The following INPP4B variants were observed in gnomAD, a reference collection of about 807,000 sequenced individuals.
INPP4B encodes the protein inositol polyphosphate-4-phosphatase type II B.
A neutral mutation model predicts 122.5 loss-of-function variants in INPP4B; 55 were observed. That is an observed-to-expected ratio of 0.45 (90% CI 0.36 to 0.56). The LOEUF is 0.56. Ranked by LOEUF, INPP4B falls within the 20% of genes least tolerant of loss-of-function variation. INPP4B has a pLI of 0.00. For synonymous variants in INPP4B, 403 were observed against 388.7 expected (o/e 1.04, Z -0.43); for missense variants, 1,000 against 1,097.7 (o/e 0.91, Z 1.26).
rs539255889 is a variant in INPP4B, at chr4:142,179,625, G to T, written c.1182-5816C>A. Among the ~76,000 whole-genome samples, 20 of 150,022 alleles carry T rather than the reference G, an allele frequency of 1.3e-4. No individual in the cohort carries two copies. The South Asian group carries it at 4.2e-3, about 32-fold the overall frequency. ...CTAAGAAAATGTGTTTACTGGTTCA[G>T]AACACAGTGGCTTCTACTATTCCAC... On this transcript the variant is annotated intron_variant, in intron 15 of 25. Transcript: ENST00000262992.
chr4:142,780,810 AAAG>A (rs1774692409), intron 1 of INPP4B, among the ~76,000 whole-genome samples: 1 of 152,180 alleles, frequency 6.6e-6, no homozygotes, highest in African/African-American at 2.4e-5. Context: ...AACAGAAAAA[AAAG>A]AGAATTTCCA....
chr4:142,311,429 T>A (rs1765473389), intron 8 of INPP4B, among the ~76,000 whole-genome samples: 1 of 152,072 alleles, frequency 6.6e-6, no homozygotes, highest in Non-Finnish European at 1.5e-5. Context: ...ATTTCTAGAA[T>A]CCCCCACCCA....
At chr4:142,593,374 C>A (rs772013600) in intron 2 of INPP4B, among the ~76,000 whole-genome samples, 2 of 152,090 alleles carry the variant, frequency 1.3e-5, no homozygotes, top group African/African-American at 2.4e-5. Flanking sequence ...GTTCTTTAAC[C>A]TTCTCAGAAT....
Position 142,029,533 on chromosome 4 carries a change from T to C in INPP4B, c.2643-619A>G, listed in dbSNP as rs557497706. ...ACAAACAAGACCTTGTTAAAAAGAA[T>C]AGAAAAGTCCTCTGAAAGCCAAATC... On this transcript the variant is annotated intron_variant, in intron 25 of 25. Coordinates refer to ENST00000262992, the MANE Select transcript of INPP4B (RefSeq NM_001101669.3). 6.1e-6 allele frequency: 6 copies of C among 985,508 alleles called. No individual in the cohort carries two copies. In the South Asian group the frequency reaches 1.9e-4, roughly 31 times the overall value. 61.0% of individuals were successfully genotyped at this position (985,508 alleles called of 1,614,324 possible).
At chr4:142,128,109 C>A (rs1289593940) in intron 18 of INPP4B, among the ~76,000 whole-genome samples, 3 of 152,042 alleles carry the variant, frequency 2.0e-5, no homozygotes, top group African/African-American at 7.2e-5. Flanking sequence ...ACTTGCCCCT[C>A]ACCTTTATGT....
intron 2 of INPP4B, among the ~76,000 whole-genome samples, chr4:142,706,814 T>C (rs1762530765): frequency 6.6e-6 from 1 of 152,262 alleles, no homozygotes; most frequent in South Asian, 2.1e-4. Context: ...AGGCCTTGTC[T>C]AAAGACGCTA....
At chr4:142,270,900 A>G in intron 9 of INPP4B, 126 bp from the exon 10 acceptor site, 1 of 650,374 alleles carries the variant, frequency 1.5e-6, no homozygotes, top group African/African-American at 1.8e-5. Flanking sequence ...CATCTGCATA[A>G]AACACAGCAA....
At chr4:142,816,793 ATT>A (rs1195046225) in intron 1 of INPP4B, among the ~76,000 whole-genome samples, 2 of 136,236 alleles carry the variant, frequency 1.5e-5, no homozygotes, top group Non-Finnish European at 3.2e-5. Context: ...TAAAACTGTC[ATT>A]TAACAACTAT....
intron 25 of INPP4B, among the ~76,000 whole-genome samples, chr4:142,042,629 C>T (rs1361073161): frequency 1.4e-4 from 22 of 151,894 alleles, no homozygotes; most frequent in Admixed American, 1.4e-3. Context: ...GTGATGCGAT[C>T]TCAGCTCACT....
chr4:142,709,530 A>C (rs1448724571), intron 2 of INPP4B, among the ~76,000 whole-genome samples: 1 of 152,066 alleles, frequency 6.6e-6, no homozygotes, highest in East Asian at 1.9e-4. Flanking sequence ...CATAATAGTG[A>C]GTTCTCATGA....
chr4:142,538,083 A>G (rs1828504894), intron 2 of INPP4B, among the ~76,000 whole-genome samples: 1 of 152,128 alleles, frequency 6.6e-6, no homozygotes, highest in Non-Finnish European at 1.5e-5. Context: ...TTGGAAAACA[A>G]TCATGCTCAT....
At chr4:142,582,176 C>T (rs1007698904) in intron 2 of INPP4B, among the ~76,000 whole-genome samples, 2 of 141,098 alleles carry the variant, frequency 1.4e-5, no homozygotes, top group Non-Finnish European at 3.1e-5. Context: ...CTGCTGAAAA[C>T]ATAATCATCT....
chr4:142,160,797 A>G (rs1819728639), intron 16 of INPP4B, among the ~76,000 whole-genome samples: 1 of 152,038 alleles, frequency 6.6e-6, no homozygotes, highest in Non-Finnish European at 1.5e-5. Context: ...TAAATGCACT[A>G]TAAACACCGT....
At chr4:142,523,820 A>G (rs1184581345) in intron 2 of INPP4B, among the ~76,000 whole-genome samples, 2 of 96,672 alleles carry the variant, frequency 2.1e-5, no homozygotes, top group East Asian at 7.2e-4. Flanking sequence ...CCCCCACCCC[A>G]CAACAGTCCC....
At chr4:142,737,710 T>C (rs1464425933) in intron 1 of INPP4B, among the ~76,000 whole-genome samples, 1 of 151,954 alleles carries the variant, frequency 6.6e-6, no homozygotes, top group East Asian at 1.9e-4. Context: ...TACAATCTAC[T>C]CATCTGACAA....
chr4:142,494,681 A>G (rs1822301736), intron 2 of INPP4B, among the ~76,000 whole-genome samples: 1 of 152,172 alleles, frequency 6.6e-6, no homozygotes, highest in Admixed American at 6.5e-5. Context: ...ATCTTTGGAC[A>G]ATAATTGTCC....
At chr4:142,045,910 G>GTAA (rs1751108949) in intron 25 of INPP4B, among the ~76,000 whole-genome samples, 1 of 152,012 alleles carries the variant, frequency 6.6e-6, no homozygotes, top group African/African-American at 2.4e-5. Flanking sequence ...TTTATTTTAG[G>GTAA]TAATAAGCCC....
intron 2 of INPP4B, among the ~76,000 whole-genome samples, chr4:142,712,793 T>C (rs1411846220): frequency 6.6e-6 from 1 of 152,222 alleles, no homozygotes; most frequent in Non-Finnish European, 1.5e-5. Context: ...GAAAACAACT[T>C]AATTTTCTCT....
chr4:142,319,480 T>C (rs1159620628), intron 7 of INPP4B, among the ~76,000 whole-genome samples: 1 of 152,196 alleles, frequency 6.6e-6, no homozygotes, highest in Non-Finnish European at 1.5e-5. Flanking sequence ...ACATTAAAAT[T>C]TGACTACAAC....
Sources: allele counts gnomAD v4.1 joint callset (sites outside exome capture counted in the v4.1 genomes callset), GRCh38; gene constraint gnomAD v4.1.1; transcripts MANE v1.5; gene names NCBI Gene and HGNC (gene_info 2026-07-23, HGNC 2026-07-21).